Variants in ZNF875 observed in about 807,000 individuals in gnomAD.
ZNF875 encodes the protein HKR1, GLI-Kruppel zinc finger family member.
ZNF875 carries 14 observed loss-of-function variants against 11.2 expected under a neutral mutation model. The observed-to-expected ratio is 1.26, with a 90% confidence interval of 0.83 to 1.96. ZNF875 has a LOEUF of 1.96. Ranked by LOEUF, ZNF875 falls within the 30% of genes most tolerant of loss-of-function variation. The pLI is 0.00. For missense variants in ZNF875, 752 were observed against 760.4 expected (o/e 0.99, Z 0.13); for synonymous variants, 301 against 281.1 (o/e 1.07, Z -0.71).
At chr19:37,315,772 A>G (rs924684058), upstream of ZNF875, among the ~76,000 whole-genome samples, 5 of 152,082 alleles carry the variant, frequency 3.3e-5, no homozygotes, top group Non-Finnish European at 7.3e-5. Flanking sequence ...CTTAAGGTCC[A>G]CGGTATGTGT....
intron 1 of ZNF875, among the ~76,000 whole-genome samples, chr19:37,319,012 T>C (rs1409635277): frequency 6.6e-6 from 1 of 151,974 alleles, no homozygotes. Context: ...TAAGGAGGTT[T>C]TGGGATTTCC....
At chr19:37,314,121 A>C (rs2030079184), upstream of ZNF875, among the ~76,000 whole-genome samples, 1 of 152,146 alleles carries the variant, frequency 6.6e-6, no homozygotes. Flanking sequence ...TAATTAAAAA[A>C]AATTTTTTTT....
intron 4 of ZNF875, among the ~76,000 whole-genome samples, chr19:37,325,279 C>A (rs1323439723): frequency 6.6e-6 from 1 of 152,110 alleles, no homozygotes. Context: ...CCGAAGGTAC[C>A]CACCAGATGT....
intron 4 of ZNF875, among the ~76,000 whole-genome samples, chr19:37,324,466 C>G (rs1325088579): frequency 1.3e-5 from 2 of 152,102 alleles, no homozygotes; most frequent in Non-Finnish European, 2.9e-5. Context: ...TGCAGATATC[C>G]CTGGAAGGAA....
intron 4 of ZNF875, among the ~76,000 whole-genome samples, chr19:37,356,088 G>A (rs1016556745): frequency 2.6e-5 from 4 of 152,186 alleles, no homozygotes; most frequent in African/African-American, 9.7e-5. Context: ...CTGCATCCAT[G>A]TTGCTGCAGA....
At chr19:37,318,728 A>G (rs2030611281) in intron 1 of ZNF875, among the ~76,000 whole-genome samples, 1 of 151,880 alleles carries the variant, frequency 6.6e-6, no homozygotes, top group Non-Finnish European at 1.5e-5. Flanking sequence ...TCACTGTGTT[A>G]GTCAGGATGG....
At chr19:37,360,929 T>C (rs151009467) in intron 4 of ZNF875, among the ~76,000 whole-genome samples, 82 of 151,866 alleles carry the variant, frequency 5.4e-4, no homozygotes, top group African/African-American at 1.9e-3. Context: ...TATATAGAAA[T>C]ATAATTATTT....
At chr19:37,328,800 C>G (rs1443216986) in intron 4 of ZNF875, 1 of 152,196 alleles carries the variant, frequency 6.6e-6, no homozygotes, top group Non-Finnish European at 1.5e-5. Context: ...GCTGTAAATG[C>G]TCTTTGAGTG....
At chr19:37,342,294 A>C (rs1465088639) in intron 2 of ZNF875, among the ~76,000 whole-genome samples, 7 of 152,114 alleles carry the variant, frequency 4.6e-5, no homozygotes, top group African/African-American at 1.7e-4. Flanking sequence ...TTTCCAAGCT[A>C]GCAAGTCCTG....
At chr19:37,327,174 G>A (rs1191396208) in intron 4 of ZNF875, among the ~76,000 whole-genome samples, 1 of 151,612 alleles carries the variant, frequency 6.6e-6, no homozygotes, top group African/African-American at 2.4e-5. Context: ...TGTATTTTTA[G>A]TAGAGACAGA....
At chr19:37,341,759 G>A (rs959143280) in intron 2 of ZNF875, among the ~76,000 whole-genome samples, 2 of 152,160 alleles carry the variant, frequency 1.3e-5, no homozygotes, top group Non-Finnish European at 2.9e-5. Context: ...ATGTGTAACA[G>A]TCTGGATGTA....
chr19:37,363,257 C>T lies in ZNF875; in HGVS notation c.1405C>T (p.Gln469Ter), dbSNP rs768814758. Residue 469 changes from glutamine (Q) to a stop codon, truncating the protein, a stop_gained, in exon 5 of 5, where the codon CAG becomes TAG. Transcript: ENST00000392153. LOFTEE classifies it low-confidence loss of function (END_TRUNC). ...FSLKSNLNKH[Q>*]RSHTGEKPFV... is the part of the protein sequence containing the mutation. ...CCTGAAGTCAAACCTTAACAAACAC[C>T]AGAGGTCACACACGGGGGAGAAGCC... 11 of 1,613,572 alleles carry T rather than the reference C, an allele frequency of 6.8e-6. No homozygotes were observed. In the South Asian group the frequency reaches 1.2e-4, roughly 18 times the overall value.
rs187848880 is a variant in ZNF875 at position 37,356,816 on chromosome 19, G to A, written c.257-5293G>A. 3.3e-4 allele frequency among the ~76,000 whole-genome samples: 50 copies of A among 152,272 alleles called. 1 individual carries two copies. The highest frequency in any genetic ancestry group is 1.2e-3 in the African/African-American group (48 of 41,572). On this transcript the variant is annotated intron_variant, in intron 4 of 4. Transcript: ENST00000392153. ...TGATTGTTTCTTTTGCAGTGCAGAA[G>A]CTCTTTTGCTTAATTAAATCATATT...
intron 2 of ZNF875, among the ~76,000 whole-genome samples, chr19:37,342,581 T>A (rs1369310554): frequency 6.6e-6 from 1 of 151,896 alleles, no homozygotes; most frequent in Non-Finnish European, 1.5e-5. Flanking sequence ...CCTGGGTAAT[T>A]TTGTATTTTT....
intron 1 of ZNF875, among the ~76,000 whole-genome samples, chr19:37,318,688 A>T (rs1244093243): frequency 6.6e-6 from 1 of 151,638 alleles, no homozygotes; most frequent in East Asian, 1.9e-4. Flanking sequence ...CGTCCCGCTA[A>T]TTTTTTGTAT....
chr19:37,350,748 C>T (rs2037723975), intron 4 of ZNF875, among the ~76,000 whole-genome samples: 1 of 149,952 alleles, frequency 6.7e-6, no homozygotes, highest in Non-Finnish European at 1.5e-5. Flanking sequence ...TCCCTCCAAT[C>T]TTAACCCCTG....
chr19:37,359,453 G>C (rs951750630), intron 4 of ZNF875: 4 of 285,706 alleles, frequency 1.4e-5, no homozygotes, highest in Admixed American at 4.4e-5. Flanking sequence ...TGCCAGGCTG[G>C]AATACAGTGG....
At chr19:37,327,376 G>A (rs1484821774) in intron 4 of ZNF875, among the ~76,000 whole-genome samples, 2 of 152,114 alleles carry the variant, frequency 1.3e-5, no homozygotes, top group Non-Finnish European at 2.9e-5. Context: ...GTTTTAGGAT[G>A]TAATATCTCA....
At chr19:37,356,244 G>A (rs1386487882) in intron 4 of ZNF875, among the ~76,000 whole-genome samples, 1 of 152,182 alleles carries the variant, frequency 6.6e-6, no homozygotes, top group South Asian at 2.1e-4. Flanking sequence ...AAGCATACGA[G>A]TGCAGGTGTC....
Sources: allele counts gnomAD v4.1 joint callset (sites outside exome capture counted in the v4.1 genomes callset), GRCh38; gene constraint gnomAD v4.1.1; transcripts MANE v1.5; gene names NCBI Gene and HGNC (gene_info 2026-07-23, HGNC 2026-07-21).